The following NCKAP5 variants were observed in gnomAD, a reference collection of about 807,000 sequenced individuals.
NCKAP5 encodes NCK associated protein 5.
In NCKAP5, 92 loss-of-function variants were observed where a neutral mutation model predicts 167.0. That is an observed-to-expected ratio of 0.55 (90% CI 0.47 to 0.66). The LOEUF is 0.66. NCKAP5 is among the 30% of genes least tolerant of loss of function. NCKAP5 has a pLI of 0.00. For missense variants in NCKAP5, 2,378 were observed against 2,315.0 expected, an observed-to-expected ratio of 1.03 and a Z score of -0.56; for synonymous variants, 891 against 877.4, an observed-to-expected ratio of 1.02 and a Z score of -0.27.
chr2:133,159,111 G>A (rs1002818024), intron 5 of NCKAP5, among the ~76,000 whole-genome samples: 3 of 151,910 alleles, frequency 2.0e-5, no homozygotes, highest in Non-Finnish European at 2.9e-5. Flanking sequence ...CAATTTCTCC[G>A]GCTGGAAACA....
At position 132,975,785 on chromosome 2, in the gene NCKAP5, G is replaced by GA. The variant is rs1221004304; in HGVS notation, c.430-11917dup. On this transcript the variant is annotated intron_variant, in intron 7 of 19. Transcript: ENST00000409261. ...TAAACTTACATGCTTAAGAGTCAGA[G>GA]AAAAAAAAAAAAACCTCATAACTTA... is the stretch of plus-strand genomic sequence containing the variant. Among the ~76,000 whole-genome samples the GA allele has an allele frequency of 8.2e-3, 1,112 of 135,084 alleles. 6 individuals are homozygous for GA. Among genetic ancestry groups the GA allele is most frequent in the African/African-American group, 0.02 (754 of 36,954 alleles). The allele number at this position is 135,084 out of a possible 152,430, so 88.6% of individuals were successfully genotyped here.
chr2:133,177,691 C>T (rs981351047), intron 5 of NCKAP5, among the ~76,000 whole-genome samples: 3 of 152,146 alleles, frequency 2.0e-5, no homozygotes, highest in African/African-American at 7.2e-5. Context: ...TATCATGAGG[C>T]ACCCCAACAA....
At chr2:133,436,478 C>T (rs1057349946) in intron 3 of NCKAP5, among the ~76,000 whole-genome samples, 1 of 152,156 alleles carries the variant, frequency 6.6e-6, no homozygotes, top group African/African-American at 2.4e-5. Context: ...GTCCACTCTG[C>T]CTAAACCCTT....
intron 15 of NCKAP5, among the ~76,000 whole-genome samples, chr2:132,777,473 T>C (rs1362581674): frequency 6.6e-6 from 1 of 152,230 alleles, no homozygotes; most frequent in African/African-American, 2.4e-5. Context: ...TATATATATT[T>C]CTTCCCTGAA....
rs1434093876 is a variant in NCKAP5, at chr2:133,178,558, G to C, written c.207+35158C>G. 2.2e-5 allele frequency among the ~76,000 whole-genome samples: 3 copies of C among 139,002 alleles called. No homozygotes were observed. In the Admixed American group the frequency reaches 2.2e-4, roughly 10 times the overall value. 91.2% of individuals were successfully genotyped at this position (139,002 alleles called of 152,430 possible). A position where few individuals can be genotyped will look rare whatever the true frequency, so the allele number is the denominator to read the frequency against. ...AAAAAAAAAAAGGCCAGGCGCATTGGCTCACGCCTGTAATCCCAGAACTTT... is the reference window on the plus strand; with the variant it reads ...AAAAAAAAAAAGGCCAGGCGCATTGCCTCACGCCTGTAATCCCAGAACTTT... On this transcript the variant is annotated intron_variant, in intron 5 of 19. Coordinates refer to ENST00000409261, the MANE Select transcript of NCKAP5 (RefSeq NM_207363.3).
chr2:132,848,685 G>A (rs1326062035), intron 11 of NCKAP5, among the ~76,000 whole-genome samples: 6 of 152,134 alleles, frequency 3.9e-5, no homozygotes, highest in South Asian at 2.1e-4. Context: ...CCTGCTGTGC[G>A]TGGTGTGCAT....
intron 8 of NCKAP5, among the ~76,000 whole-genome samples, chr2:132,900,277 C>T (rs773665054): frequency 1.3e-5 from 2 of 152,116 alleles, no homozygotes; most frequent in Admixed American, 1.3e-4. Flanking sequence ...AAAAATGGTA[C>T]CAACAGACTT....
At chr2:132,895,898 G>T (rs1693163049) in intron 8 of NCKAP5, among the ~76,000 whole-genome samples, 1 of 151,880 alleles carries the variant, frequency 6.6e-6, no homozygotes, top group Non-Finnish European at 1.5e-5. Context: ...ACTTTGTAAG[G>T]CCGAGGTGGG....
At chr2:133,163,421 C>G (rs983278530) in intron 5 of NCKAP5, among the ~76,000 whole-genome samples, 4 of 152,190 alleles carry the variant, frequency 2.6e-5, no homozygotes, top group African/African-American at 4.8e-5. Context: ...TATAGAGGCC[C>G]ATAGAAGACG....
intron 11 of NCKAP5, among the ~76,000 whole-genome samples, chr2:132,854,387 C>T (rs908004442): frequency 2.0e-5 from 3 of 152,186 alleles, no homozygotes; most frequent in African/African-American, 7.2e-5. Context: ...GCTGCCAGGA[C>T]TTAGTGAGCA....
intron 5 of NCKAP5, among the ~76,000 whole-genome samples, chr2:133,183,839 C>T (rs535096180): frequency 3.9e-5 from 6 of 152,072 alleles, no homozygotes; most frequent in Non-Finnish European, 5.9e-5. Flanking sequence ...ATCTACAAAA[C>T]CTCCTAAAAT....
intron 3 of NCKAP5, among the ~76,000 whole-genome samples, chr2:133,305,074 C>A (rs897082293): frequency 5.9e-5 from 9 of 152,144 alleles, no homozygotes; most frequent in Non-Finnish European, 8.8e-5. Flanking sequence ...GTTGGAGGAA[C>A]AGAAGGAAGC....
At chr2:132,957,072 C>T (rs1313331039) in intron 8 of NCKAP5, among the ~76,000 whole-genome samples, 3 of 152,166 alleles carry the variant, frequency 2.0e-5, no homozygotes, top group Non-Finnish European at 4.4e-5. Flanking sequence ...CTCTCAAATC[C>T]ATATCTCTAG....
At chr2:133,102,313 A>AT (rs1365895481) in intron 6 of NCKAP5, among the ~76,000 whole-genome samples, 1 of 151,642 alleles carries the variant, frequency 6.6e-6, no homozygotes, top group African/African-American at 2.4e-5. Flanking sequence ...AGCCTGGCTA[A>AT]TTTTTTTGTA....
intron 4 of NCKAP5, chr2:133,284,727 A>G (rs1410335227): frequency 6.6e-6 from 1 of 152,238 alleles, no homozygotes; most frequent in African/African-American, 2.4e-5. Context: ...TTCTAACTTT[A>G]CATGAAGACT....
chr2:132,833,649 T>C (rs114071511), intron 11 of NCKAP5, among the ~76,000 whole-genome samples: 1 of 152,324 alleles, frequency 6.6e-6, no homozygotes, highest in Non-Finnish European at 1.5e-5. Context: ...TCTTGTCAGC[T>C]TTGTCAAAGA....
intron 2 of NCKAP5, among the ~76,000 whole-genome samples, chr2:133,535,078 T>C (rs879547381): frequency 1.3e-5 from 2 of 152,214 alleles, no homozygotes; most frequent in Non-Finnish European, 2.9e-5. Context: ...ATTTCCCGAA[T>C]GACTAATAAT....
intron 4 of NCKAP5, among the ~76,000 whole-genome samples, chr2:133,291,712 G>A (rs540008901): frequency 5.9e-5 from 9 of 152,332 alleles, no homozygotes; most frequent in South Asian, 2.1e-4. Context: ...TCCCTGGGCC[G>A]TGAAACCAGC....
At chr2:133,010,505 C>A (rs2078122555) in intron 6 of NCKAP5, among the ~76,000 whole-genome samples, 1 of 152,176 alleles carries the variant, frequency 6.6e-6, no homozygotes, top group South Asian at 2.1e-4. Flanking sequence ...CAGCCCCTGT[C>A]TCATTATAAT....
Sources: gnomAD v4.1 joint callset for allele counts (sites outside exome capture counted in the v4.1 genomes callset) on GRCh38, gnomAD v4.1.1 for gene constraint, MANE v1.5 for transcripts, NCBI Gene and HGNC (gene_info 2026-07-23, HGNC 2026-07-21) for gene names.